CDH13: variants seen among roughly 807,000 people sequenced by gnomAD.
CDH13 encodes cadherin-13.
In CDH13, 24 loss-of-function variants were observed where a neutral mutation model predicts 63.8. The observed-to-expected ratio is 0.38, with a 90% CI of 0.27 to 0.53. The LOEUF (loss-of-function observed/expected upper bound fraction) is 0.53. CDH13 is among the 20% of genes least tolerant of loss of function. The probability of loss-of-function intolerance (pLI) is 0.85; values close to 1 mark genes in which losing one functional copy is unlikely to be tolerated. For missense variants in CDH13, 1,049 were observed against 903.1 expected, an observed-to-expected ratio of 1.16 and a Z score of -2.07; for synonymous variants, 503 against 355.3, an observed-to-expected ratio of 1.42 and a Z score of -4.67.
At chr16:83,256,809 C>T (rs1301607307) in intron 5 of CDH13, among the ~76,000 whole-genome samples, 1 of 140,692 alleles carries the variant, frequency 7.1e-6, no homozygotes, top group Non-Finnish European at 1.5e-5. Flanking sequence ...CGCGCCACTG[C>T]ACTCCAGCCT....
intron 1 of CDH13, among the ~76,000 whole-genome samples, chr16:82,815,782 A>G (rs1419273146): frequency 6.6e-6 from 1 of 152,152 alleles, no homozygotes; most frequent in Admixed American, 6.6e-5. Flanking sequence ...TGAGGTCTCA[A>G]CAGCTTTAAT....
At chr16:83,377,549 C>T (rs1250924716) in intron 6 of CDH13, among the ~76,000 whole-genome samples, 3 of 152,172 alleles carry the variant, frequency 2.0e-5, no homozygotes, top group Non-Finnish European at 4.4e-5. Flanking sequence ...TTCACTCATC[C>T]TTTAATGTGC....
chr16:83,757,373 A>G (rs1019121607), intron 11 of CDH13, among the ~76,000 whole-genome samples: 1 of 152,050 alleles, frequency 6.6e-6, no homozygotes, highest in Non-Finnish European at 1.5e-5. Flanking sequence ...AGGTCAGGAG[A>G]TCGAGACCAG....
chr16:82,631,749 T>A (rs1244168012), intron 1 of CDH13, among the ~76,000 whole-genome samples: 2 of 152,218 alleles, frequency 1.3e-5, no homozygotes, highest in Admixed American at 1.3e-4. Context: ...GAAAGTCATC[T>A]TTCTCTGCTG....
rs544603400 is a variant in CDH13 at position 83,388,120 on chromosome 16, A to C, written c.781+43114A>C. On this transcript the variant is annotated intron_variant, in intron 6 of 13. Coordinates refer to ENST00000567109, the MANE Select transcript of CDH13 (RefSeq NM_001257.5). ...GCTGTACTTGGCTGGCAGGTTTTTT[A>C]TTGTTGTTTGGACTGTGCAGTGTTT... Among the ~76,000 whole-genome samples the C allele has an allele frequency of 3.9e-5, 6 of 151,904 alleles. No individual in the cohort carries two copies. In the South Asian group the frequency reaches 1.3e-3, roughly 32 times the overall value.
At chr16:83,582,803 G>C (rs1905747473) in intron 7 of CDH13, among the ~76,000 whole-genome samples, 1 of 152,210 alleles carries the variant, frequency 6.6e-6, no homozygotes, top group Non-Finnish European at 1.5e-5. Flanking sequence ...ACCTTAAGCA[G>C]AGTCCGATCA....
intron 6 of CDH13, among the ~76,000 whole-genome samples, chr16:83,449,839 C>T (rs7193431): frequency 6.6e-6 from 1 of 152,178 alleles, no homozygotes; most frequent in African/African-American, 2.4e-5. Context: ...AGAAAATGAG[C>T]TAATGCAAGG....
intron 1 of CDH13, among the ~76,000 whole-genome samples, chr16:82,791,699 T>C (rs1156401131): frequency 3.3e-5 from 5 of 152,318 alleles, no homozygotes; most frequent in Admixed American, 1.3e-4. Flanking sequence ...GAGGCTCCCA[T>C]TGCCACTCCC....
intron 2 of CDH13, among the ~76,000 whole-genome samples, chr16:82,938,294 T>C (rs959231072): frequency 4.6e-5 from 7 of 152,326 alleles, no homozygotes; most frequent in African/African-American, 1.2e-4. Flanking sequence ...ATAAGGTGAA[T>C]GCACTCCTAC....
chr16:83,778,686 G>T (rs1156622023), intron 11 of CDH13, among the ~76,000 whole-genome samples: 1 of 152,202 alleles, frequency 6.6e-6, no homozygotes, highest in Non-Finnish European at 1.5e-5. Context: ...TATGATGATT[G>T]CTTCTATGCC....
intron 1 of CDH13, among the ~76,000 whole-genome samples, chr16:82,740,283 C>T (rs1350484937): frequency 6.6e-6 from 1 of 152,186 alleles, no homozygotes; most frequent in South Asian, 2.1e-4. Context: ...TGGATGGAAA[C>T]TCATCAGCAA....
At chr16:83,194,018 G>A (rs2038802519) in intron 4 of CDH13, among the ~76,000 whole-genome samples, 1 of 152,172 alleles carries the variant, frequency 6.6e-6, no homozygotes, top group African/African-American at 2.4e-5. Context: ...TAGAAAAGCT[G>A]CCACCCACAC....
At chr16:82,860,259 A>G (rs1414358607) in intron 2 of CDH13, among the ~76,000 whole-genome samples, 1 of 151,966 alleles carries the variant, frequency 6.6e-6, no homozygotes, top group Non-Finnish European at 1.5e-5. Context: ...TGCTTCTGTA[A>G]TCTTCACGAT....
chr16:82,646,555 G>A (rs576857536), intron 1 of CDH13, among the ~76,000 whole-genome samples: 1 of 152,286 alleles, frequency 6.6e-6, no homozygotes, highest in African/African-American at 2.4e-5. Context: ...TCAAAGAAAT[G>A]GGAAGTGATG....
intron 10 of CDH13, among the ~76,000 whole-genome samples, chr16:83,723,452 AC>A (rs1488903642): frequency 3.9e-5 from 6 of 152,148 alleles, no homozygotes; most frequent in Non-Finnish European, 8.8e-5. Context: ...CTCCTCAGTG[AC>A]ATCAGCTCAC....
At chr16:83,049,588 G>A (rs2030058499) in intron 3 of CDH13, among the ~76,000 whole-genome samples, 1 of 152,018 alleles carries the variant, frequency 6.6e-6, no homozygotes, top group African/African-American at 2.4e-5. Context: ...GCCTGCCTCA[G>A]CCTCCCAGAG....
chr16:83,593,082 C>T (rs1286533934), intron 7 of CDH13, among the ~76,000 whole-genome samples: 1 of 152,142 alleles, frequency 6.6e-6, no homozygotes, highest in Admixed American at 6.5e-5. Flanking sequence ...AGTGTTTTCA[C>T]CAATCTTTTG....
At position 82,786,435 on chromosome 16, in the gene CDH13, G is replaced by GT. The variant is rs36019455; in HGVS notation, c.46-71907dup. Reference sequence around the variant, plus strand: ...CTTTGATCCTCCAAATCAGAAAACAGTTTTTTTTTTTTTTTTTTTTCCATA... The same window carrying GT: ...CTTTGATCCTCCAAATCAGAAAACAGTTTTTTTTTTTTTTTTTTTTTCCATA... On this transcript the variant is annotated intron_variant, in intron 1 of 13. Coordinates refer to ENST00000567109, the MANE Select transcript of CDH13 (RefSeq NM_001257.5). 1.9e-3 allele frequency among the ~76,000 whole-genome samples: 229 copies of GT among 118,010 alleles called. 1 individual carries two copies. The highest frequency in any genetic ancestry group is 7.1e-3 in the African/African-American group (211 of 29,796). The allele number at this position is 118,010 out of a possible 152,430, so 77.4% of individuals were successfully genotyped here.
At chr16:83,571,117 C>T (rs1450770973) in intron 7 of CDH13, among the ~76,000 whole-genome samples, 1 of 151,750 alleles carries the variant, frequency 6.6e-6, no homozygotes, top group Non-Finnish European at 1.5e-5. Context: ...TTTCCACAAA[C>T]ATCATAAAAG....
Sources: gnomAD v4.1 joint callset for allele counts (sites outside exome capture counted in the v4.1 genomes callset) on GRCh38, gnomAD v4.1.1 for gene constraint, MANE v1.5 for transcripts, NCBI Gene and HGNC (gene_info 2026-07-23, HGNC 2026-07-21) for gene names.